Variants in PCDH15 observed in about 807,000 individuals in gnomAD.
The protein encoded by PCDH15 is protocadherin related 15, also known as protocadherin-15.
PCDH15 carries 129 observed loss-of-function variants against 178.5 expected under a neutral mutation model. The ratio of observed to expected loss-of-function variants is 0.72; its 90% confidence interval spans 0.63 to 0.84. PCDH15 has a LOEUF of 0.84. Among genes scored for constraint, PCDH15 ranks in the 40% least tolerant of loss-of-function variants. The pLI is 0.00. For synonymous variants in PCDH15, 800 were observed against 732.0 expected (o/e 1.09, Z -1.50); for missense variants, 2,230 against 2,099.9 (o/e 1.06, Z -1.21).
At chr10:54,478,758 C>G (rs946108050) in intron 3 of PCDH15, among the ~76,000 whole-genome samples, 2 of 151,864 alleles carry the variant, frequency 1.3e-5, no homozygotes, top group Admixed American at 1.3e-4. Flanking sequence ...TCCTTTTTCG[C>G]GTATGTCTTC....
intron 2 of PCDH15, among the ~76,000 whole-genome samples, chr10:54,529,941 C>T (rs943666994): frequency 6.6e-6 from 1 of 151,846 alleles, no homozygotes; most frequent in African/African-American, 2.4e-5. Flanking sequence ...TCACTGTGTG[C>T]CAATGCCATA....
At chr10:53,863,187 G>A (rs1232651847) in intron 27 of PCDH15, among the ~76,000 whole-genome samples, 1 of 152,182 alleles carries the variant, frequency 6.6e-6, no homozygotes, top group Non-Finnish European at 1.5e-5. Context: ...TTACTATGTA[G>A]ATGATATTTT....
At chr10:54,619,301 T>A (rs1333299629) in intron 2 of PCDH15, 1 of 151,926 alleles carries the variant, frequency 6.6e-6, no homozygotes, top group Non-Finnish European at 1.5e-5. Context: ...TGGGATAACA[T>A]CTGTTAATAG....
chr10:54,816,423 T>C (rs1316134838), intron 3 of PCDH15, among the ~76,000 whole-genome samples: 1 of 152,054 alleles, frequency 6.6e-6, no homozygotes, highest in African/African-American at 2.4e-5. Flanking sequence ...AGGCACTTTA[T>C]TAGTTATTTA....
intron 15 of PCDH15, among the ~76,000 whole-genome samples, chr10:54,092,455 C>G (rs1410751345): frequency 6.6e-6 from 1 of 152,040 alleles, no homozygotes; most frequent in Non-Finnish European, 1.5e-5. Context: ...CCACCCTCCC[C>G]ATGCCATACA....
chr10:54,213,617 C>T lies in PCDH15; in HGVS notation c.1098+319G>A, dbSNP rs978046378. On this transcript the variant is annotated intron_variant, in intron 10 of 37. Coordinates refer to ENST00000644397, the MANE Select transcript of PCDH15 (RefSeq NM_001384140.1). ...AATTGGTCATGTTTTTGTGGTAAAA[C>T]GCTAATTCCTTTTAGTAGAAAAATA... Among the ~76,000 whole-genome samples, 6 of 152,118 alleles carry T rather than the reference C, an allele frequency of 3.9e-5. No homozygotes were observed. The South Asian group carries it at 8.3e-4, about 21-fold the overall frequency.
intron 1 of PCDH15, among the ~76,000 whole-genome samples, chr10:55,244,769 T>C (rs1841643152): frequency 6.6e-6 from 1 of 151,276 alleles, no homozygotes; most frequent in South Asian, 2.1e-4. Context: ...TATTAGAAAA[T>C]TATTTCCAGA....
intron 2 of PCDH15, among the ~76,000 whole-genome samples, chr10:54,655,260 G>GAGAGAGAGAGAGAGAGAT (rs2094358821): frequency 3.1e-5 from 2 of 64,032 alleles, no homozygotes; most frequent in African/African-American, 6.3e-5. Flanking sequence ...GAAAGAAAGA[G>GAGAGAGAGAGAGAGAGAT]AGAGAGAGAG....
chr10:54,758,115 T>C (rs1947402669), intron 1 of PCDH15, among the ~76,000 whole-genome samples: 1 of 152,228 alleles, frequency 6.6e-6, no homozygotes, highest in South Asian at 2.1e-4. Flanking sequence ...TATTTTAACA[T>C]GCAAATTAGA....
chr10:53,989,168 A>G (rs1346652750), intron 21 of PCDH15, among the ~76,000 whole-genome samples: 1 of 152,200 alleles, frequency 6.6e-6, no homozygotes, highest in Non-Finnish European at 1.5e-5. Context: ...ACATACTACT[A>G]AAGTTAGGCT....
intron 1 of PCDH15, among the ~76,000 whole-genome samples, chr10:54,671,884 G>A (rs1044809099): frequency 6.6e-6 from 1 of 152,050 alleles, no homozygotes; most frequent in Non-Finnish European, 1.5e-5. Flanking sequence ...GGCCTGTTAG[G>A]AACCAGGCCA....
intron 2 of PCDH15, among the ~76,000 whole-genome samples, chr10:55,391,725 A>T (rs1482732643): frequency 1.3e-5 from 2 of 152,042 alleles, no homozygotes; most frequent in Non-Finnish European, 2.9e-5. Context: ...TGACCTTGTG[A>T]TCTACCCTCC....
intron 3 of PCDH15, among the ~76,000 whole-genome samples, chr10:54,509,954 T>C (rs1477137415): frequency 6.6e-6 from 1 of 152,184 alleles, no homozygotes; most frequent in African/African-American, 2.4e-5. Flanking sequence ...TCCCATGCTG[T>C]TGCGATGTTC....
intron 10 of PCDH15, among the ~76,000 whole-genome samples, chr10:54,196,378 G>A (rs1194621330): frequency 6.6e-6 from 1 of 151,964 alleles, no homozygotes; most frequent in Non-Finnish European, 1.5e-5. Flanking sequence ...TCCTGACCTC[G>A]TGATCCGCCC....
chr10:53,847,653 G>GTTC lies in PCDH15; in HGVS notation c.3807-7160_3807-7158dup, dbSNP rs945541906. 4.5e-4 allele frequency among the ~76,000 whole-genome samples: 69 copies of GTTC among 152,160 alleles called. 1 individual carries two copies. Among genetic ancestry groups the GTTC allele is most frequent in the Admixed American group, 1.4e-3 (21 of 15,262 alleles). ...TTTTGTTAATTTTGTAACTGAGTCTGTTCTTTTTGTTTAGCTTGTTTGCTT... is the reference window on the plus strand; with the variant it reads ...TTTTGTTAATTTTGTAACTGAGTCTGTTCTTCTTTTTGTTTAGCTTGTTTGCTT... On this transcript the variant is annotated intron_variant, in intron 28 of 37. Coordinates refer to ENST00000644397, the MANE Select transcript of PCDH15 (RefSeq NM_001384140.1).
At chr10:54,339,451 G>A (rs1941827304) in intron 6 of PCDH15, among the ~76,000 whole-genome samples, 1 of 152,032 alleles carries the variant, frequency 6.6e-6, no homozygotes, top group Non-Finnish European at 1.5e-5. Context: ...TTAAAGGCCT[G>A]ACAACATATA....
At chr10:55,604,502 T>A (rs1232427052) in intron 2 of PCDH15, among the ~76,000 whole-genome samples, 1 of 144,760 alleles carries the variant, frequency 6.9e-6, no homozygotes, top group Non-Finnish European at 1.5e-5. Flanking sequence ...GAAGTAAAGC[T>A]CTCCTCAGCA....
At chr10:55,465,260 A>G (rs2132100068) in intron 2 of PCDH15, among the ~76,000 whole-genome samples, 1 of 152,308 alleles carries the variant, frequency 6.6e-6, no homozygotes, top group Non-Finnish European at 1.5e-5. Context: ...CCAAAACAGT[A>G]TGGAGGCAGT....
At chr10:55,154,055 G>T (rs555314566) in intron 2 of PCDH15, among the ~76,000 whole-genome samples, 3 of 152,084 alleles carry the variant, frequency 2.0e-5, no homozygotes, top group Non-Finnish European at 4.4e-5. Context: ...CATTAAATGG[G>T]TCGCTCCTAT....
Sources: gnomAD v4.1 joint callset for allele counts (sites outside exome capture counted in the v4.1 genomes callset) on GRCh38, gnomAD v4.1.1 for gene constraint, MANE v1.5 for transcripts, NCBI Gene and HGNC (gene_info 2026-07-23, HGNC 2026-07-21) for gene names.